UBE2E2: variants seen among roughly 807,000 people sequenced by gnomAD.
UBE2E2 encodes the protein ubiquitin-conjugating enzyme E2 E2.
A neutral mutation model predicts 24.7 loss-of-function variants in UBE2E2; 6 were observed. The observed-to-expected ratio is 0.24, with a 90% CI of 0.13 to 0.48. UBE2E2 has a LOEUF of 0.48. Ranked by LOEUF, UBE2E2 falls within the 20% of genes least tolerant of loss-of-function variation. UBE2E2 has a pLI of 0.99. For synonymous variants in UBE2E2, 104 were observed against 83.6 expected, an observed-to-expected ratio of 1.24 and a Z score of -1.33; for missense variants, 169 against 245.0, an observed-to-expected ratio of 0.69 and a Z score of 2.07.
intron 5 of UBE2E2, among the ~76,000 whole-genome samples, chr3:23,561,877 A>G (rs1460477081): frequency 6.6e-6 from 1 of 151,658 alleles, no homozygotes. Context: ...TCTGTCTGTT[A>G]TTGGTGTATA....
intron 3 of UBE2E2, among the ~76,000 whole-genome samples, chr3:23,469,637 G>A (rs532004417): frequency 1.3e-5 from 2 of 152,312 alleles, no homozygotes; most frequent in African/African-American, 2.4e-5. Flanking sequence ...TTGACCGACA[G>A]TTCACTGGTA....
chr3:23,280,495 G>A lies in UBE2E2; in HGVS notation c.227+63183G>A, dbSNP rs1698469506. Reference sequence around the variant, plus strand: ...CACACAATCTTTTTGGTCCTTCTTTGTTCACATTTTGCCTTCTTTTTTCCC... The same window carrying A: ...CACACAATCTTTTTGGTCCTTCTTTATTCACATTTTGCCTTCTTTTTTCCC... On this transcript the variant is annotated intron_variant, in intron 3 of 5. Coordinates refer to ENST00000396703, the MANE Select transcript of UBE2E2 (RefSeq NM_152653.4). The surrounding 1 kb of genome is among the most constrained non-coding windows in gnomAD (Gnocchi z 4.3). Among the ~76,000 whole-genome samples, 1 of 152,136 alleles carries A rather than the reference G, an allele frequency of 6.6e-6. No homozygotes were observed. The highest frequency in any genetic ancestry group is 2.4e-5 in the African/African-American group (1 of 41,426).
chr3:23,381,673 T>A (rs1696674990), intron 3 of UBE2E2, among the ~76,000 whole-genome samples: 1 of 152,234 alleles, frequency 6.6e-6, no homozygotes, highest in Non-Finnish European at 1.5e-5. Context: ...AGATACTGTA[T>A]AACATTTTAT....
intron 5 of UBE2E2, among the ~76,000 whole-genome samples, chr3:23,536,566 T>C (rs1695269476): frequency 6.6e-6 from 1 of 152,240 alleles, no homozygotes; most frequent in Non-Finnish European, 1.5e-5. Flanking sequence ...GTCAGAAAGT[T>C]GACAATGAAA....
chr3:23,207,767 C>T (rs529015321), intron 1 of UBE2E2, among the ~76,000 whole-genome samples: 2 of 152,276 alleles, frequency 1.3e-5, no homozygotes, highest in Admixed American at 6.5e-5. Context: ...CTTAGCACAG[C>T]GCCTGGTAGA....
intron 4 of UBE2E2, among the ~76,000 whole-genome samples, chr3:23,502,858 A>G (rs966459380): frequency 2.0e-5 from 3 of 152,138 alleles, no homozygotes; most frequent in African/African-American, 4.8e-5. Context: ...TACTATTTCA[A>G]AGTAGGTAAG....
chr3:23,318,838 CCAAAATTTACAAG>C (rs1415812259), intron 3 of UBE2E2, among the ~76,000 whole-genome samples: 1 of 152,100 alleles, frequency 6.6e-6, no homozygotes, highest in Admixed American at 6.6e-5. Context: ...CAAACACTTC[CCAAAATTTACAAG>C]CAAGAAAGAG....
intron 3 of UBE2E2, among the ~76,000 whole-genome samples, chr3:23,373,620 C>T (rs961224203): frequency 2.6e-5 from 4 of 152,104 alleles, no homozygotes; most frequent in African/African-American, 4.8e-5. Flanking sequence ...GGCATTTCTC[C>T]AGAGATGCCT....
At position 23,330,339 on chromosome 3, in the gene UBE2E2, GCTCTT is replaced by G. The variant is rs546594243; in HGVS notation, c.227+113033_227+113037del. On this transcript the variant is annotated intron_variant, in intron 3 of 5. Coordinates refer to ENST00000396703, the MANE Select transcript of UBE2E2 (RefSeq NM_152653.4). ...CTTTAGAAATAAAGACTTTGAAAGAGCTCTTCTCTTATTTTATTGTATGGAAGTAA... is the reference window on the plus strand; with the variant it reads ...CTTTAGAAATAAAGACTTTGAAAGAGCTCTTATTTTATTGTATGGAAGTAA... Among the ~76,000 whole-genome samples the G allele has an allele frequency of 2.7e-3, 413 of 152,204 alleles. 1 individual carries two copies. Among genetic ancestry groups the G allele is most frequent in the Non-Finnish European group, 4.5e-3 (309 of 67,972 alleles).
At chr3:23,388,373 A>G (rs1696855300) in intron 3 of UBE2E2, among the ~76,000 whole-genome samples, 2 of 152,130 alleles carry the variant, frequency 1.3e-5, no homozygotes, top group African/African-American at 4.8e-5. Flanking sequence ...GCTAATTAAT[A>G]TTGTTTGTTC....
At chr3:23,312,222 A>C (rs1694425020) in intron 3 of UBE2E2, among the ~76,000 whole-genome samples, 1 of 152,176 alleles carries the variant, frequency 6.6e-6, no homozygotes, top group African/African-American at 2.4e-5. Flanking sequence ...CAGAACCATG[A>C]GCTGATTAAA....
intron 3 of UBE2E2, among the ~76,000 whole-genome samples, chr3:23,429,144 A>G (rs1697998446): frequency 6.6e-6 from 1 of 152,076 alleles, no homozygotes; most frequent in Admixed American, 6.6e-5. Flanking sequence ...TGAATCAGTA[A>G]CTAATAACTT....
intron 3 of UBE2E2, among the ~76,000 whole-genome samples, chr3:23,400,984 G>T (rs114302868): frequency 0.014 from 2,157 of 152,314 alleles, 54 homozygotes; most frequent in African/African-American, 0.049. Context: ...GTGAAGATGT[G>T]CTCTGTAGAT....
intron 5 of UBE2E2, among the ~76,000 whole-genome samples, chr3:23,588,972 C>G (rs1696694898): frequency 6.6e-6 from 1 of 152,148 alleles, no homozygotes; most frequent in Non-Finnish European, 1.5e-5. Context: ...ACTCTGGCGT[C>G]TCCTCAGATA....
intron 3 of UBE2E2, among the ~76,000 whole-genome samples, chr3:23,452,161 G>C (rs954808178): frequency 1.3e-5 from 2 of 152,136 alleles, no homozygotes; most frequent in African/African-American, 4.8e-5. Context: ...GCTGGAATAT[G>C]TTAGTTCATA....
intron 3 of UBE2E2, among the ~76,000 whole-genome samples, chr3:23,238,868 A>G (rs772810589): frequency 3.4e-4 from 51 of 152,082 alleles, no homozygotes; most frequent in Non-Finnish European, 6.6e-4. Flanking sequence ...TTGTGGCATC[A>G]TGTCAGTGCT....
At chr3:23,269,684 C>G (rs762428746) in intron 3 of UBE2E2, among the ~76,000 whole-genome samples, 6 of 152,048 alleles carry the variant, frequency 3.9e-5, no homozygotes, top group Admixed American at 1.3e-4. Context: ...GAGTTGGAGC[C>G]GGGAGCAGCA....
intron 3 of UBE2E2, among the ~76,000 whole-genome samples, chr3:23,321,440 C>T (rs1029844893): frequency 6.6e-6 from 1 of 151,844 alleles, no homozygotes; most frequent in African/African-American, 2.4e-5. Context: ...GCAAAACAGG[C>T]ATTGCCTGGC....
At chr3:23,532,726 A>T in intron 5 of UBE2E2, 25 bp downstream of exon 5, 1 of 1,486,872 alleles carries the variant, frequency 6.7e-7, no homozygotes, top group African/African-American at 1.4e-5. Context: ...ATCTAGTATG[A>T]ATTGGAGCTT....
Sources: allele counts gnomAD v4.1 joint callset (sites outside exome capture counted in the v4.1 genomes callset), GRCh38; gene constraint gnomAD v4.1.1; non-coding constraint Gnocchi (gnomAD v3.1); transcripts MANE v1.5; gene names NCBI Gene and HGNC (gene_info 2026-07-23, HGNC 2026-07-21).